The following C2orf76 variants were observed in gnomAD, a reference collection of about 807,000 sequenced individuals.
The protein encoded by C2orf76 is chromosome 2 open reading frame 76.
C2orf76 carries 23 observed loss-of-function variants against 16.9 expected under a neutral mutation model. The observed-to-expected ratio is 1.36, with a 90% confidence interval of 0.98 to 1.93. C2orf76 has a LOEUF of 1.93. Ranked by LOEUF, C2orf76 falls within the 30% of genes most tolerant of loss-of-function variation. C2orf76 has a pLI of 0.00. For synonymous variants in C2orf76, 48 were observed against 52.3 expected (o/e 0.92, Z 0.35); for missense variants, 152 against 152.6 (o/e 1.00, Z 0.02).
chr2:119,320,452 C>A (rs1026383004), intron 3 of C2orf76, among the ~76,000 whole-genome samples: 5 of 152,158 alleles, frequency 3.3e-5, no homozygotes, highest in Admixed American at 2.6e-4. Context: ...CCTTCAACTT[C>A]TGCTTCACTA....
Position 119,342,427 on chromosome 2 carries a change from G to A in C2orf76, c.-12-2456C>T, listed in dbSNP as rs193124613. ...GGAGTTCGAGACCATCCTGGCCAAC[G>A]TGGTGAAACCCAGCCTCTAATAAAA... On this transcript the variant is annotated intron_variant, in intron 1 of 5. Coordinates refer to ENST00000334816, the MANE Select transcript of C2orf76 (RefSeq NM_001322331.2). Among the ~76,000 whole-genome samples, 22 of 152,018 alleles carry A rather than the reference G, an allele frequency of 1.4e-4. 1 individual carries two copies. Among genetic ancestry groups the A allele is most frequent in the African/African-American group, 5.1e-4 (21 of 41,486 alleles).
the C2orf76 span, among the ~76,000 whole-genome samples, chr2:119,287,095 T>A: frequency 6.6e-6 from 1 of 152,148 alleles, no homozygotes; most frequent in Admixed American, 6.5e-5. Context: ...CCCTTCCCCA[T>A]CTGTAAGATG....
chr2:119,349,406 C>T (rs1680309548), intron 1 of C2orf76, among the ~76,000 whole-genome samples: 1 of 152,172 alleles, frequency 6.6e-6, no homozygotes. Context: ...AGTTATACTC[C>T]TGCTATGTAC....
At chr2:119,337,055 A>T (rs867820045) in intron 2 of C2orf76, among the ~76,000 whole-genome samples, 100 of 101,732 alleles carry the variant, frequency 9.8e-4, no homozygotes, top group African/African-American at 3.4e-3. Context: ...TTATTTATTT[A>T]TTTATTTATT....
At chr2:119,290,391 C>T in the C2orf76 span, among the ~76,000 whole-genome samples, 1 of 151,988 alleles carries the variant, frequency 6.6e-6, no homozygotes, top group African/African-American at 2.4e-5. Context: ...TTTTCCAAAG[C>T]GTTGACACAT....
intron 1 of C2orf76, among the ~76,000 whole-genome samples, chr2:119,358,815 C>CA (rs1177643125): frequency 3.3e-5 from 5 of 152,006 alleles, no homozygotes; most frequent in Non-Finnish European, 7.4e-5. Flanking sequence ...GTCTCCATAA[C>CA]AAAAAAAGTG....
chr2:119,351,595 A>T (rs1292370428), intron 1 of C2orf76, among the ~76,000 whole-genome samples: 1 of 152,116 alleles, frequency 6.6e-6, no homozygotes, highest in Non-Finnish European at 1.5e-5. Context: ...TACAAAAAAA[A>T]ATACCAAAAT....
chr2:119,333,283 T>C (rs1043349244), intron 2 of C2orf76, among the ~76,000 whole-genome samples: 5 of 152,172 alleles, frequency 3.3e-5, no homozygotes, highest in African/African-American at 9.7e-5. Flanking sequence ...GAGATAATCA[T>C]AGAATTAGAA....
the C2orf76 span, among the ~76,000 whole-genome samples, chr2:119,293,479 G>T: frequency 1.3e-5 from 2 of 152,222 alleles, no homozygotes; most frequent in Non-Finnish European, 2.9e-5. Context: ...CTGAGTAAGG[G>T]TTTTGAACTG....
intron 2 of C2orf76, among the ~76,000 whole-genome samples, chr2:119,336,043 A>T (rs1286503241): frequency 1.3e-5 from 2 of 152,228 alleles, no homozygotes; most frequent in East Asian, 3.8e-4. Context: ...TAAAAAATAC[A>T]GTCATCTATA....
intron 1 of C2orf76, among the ~76,000 whole-genome samples, chr2:119,348,200 A>T (rs1409804776): frequency 6.6e-6 from 1 of 152,254 alleles, no homozygotes; most frequent in Non-Finnish European, 1.5e-5. Flanking sequence ...AAAGGTGTAC[A>T]TTCAAAGATT....
intron 5 of C2orf76, among the ~76,000 whole-genome samples, chr2:119,305,190 C>G (rs761080785): frequency 5.3e-5 from 8 of 152,122 alleles, no homozygotes; most frequent in Admixed American, 1.3e-4. Flanking sequence ...TTTGCAGGAT[C>G]CTTTTAATAC....
intron 2 of C2orf76, among the ~76,000 whole-genome samples, chr2:119,329,303 A>G (rs1679601911): frequency 6.6e-6 from 1 of 152,190 alleles, no homozygotes; most frequent in Non-Finnish European, 1.5e-5. Flanking sequence ...TTGCTCTAAA[A>G]TCTACTTCAT....
chr2:119,335,691 T>C lies in C2orf76; in HGVS notation c.133+4136A>G, dbSNP rs367599017. ...GAAGGAAAAAAGAGTAACTTTACAG[T>C]AGAGAAACCTGACATGACTTCAGCC... is the stretch of plus-strand genomic sequence containing the variant. On this transcript the variant is annotated intron_variant, in intron 2 of 5. Coordinates refer to ENST00000334816, the MANE Select transcript of C2orf76 (RefSeq NM_001322331.2). Among the ~76,000 whole-genome samples the C allele has an allele frequency of 7.6e-4, 116 of 152,346 alleles. No individual in the cohort carries two copies. In the East Asian group the frequency reaches 0.018, roughly 24 times the overall value.
At chr2:119,330,722 C>T (rs1226848684) in intron 2 of C2orf76, among the ~76,000 whole-genome samples, 1 of 152,094 alleles carries the variant, frequency 6.6e-6, no homozygotes, top group Non-Finnish European at 1.5e-5. Flanking sequence ...TTGTCCCATA[C>T]CTCCCCACTG....
At chr2:119,294,598 A>G in the C2orf76 span, among the ~76,000 whole-genome samples, 1 of 152,170 alleles carries the variant, frequency 6.6e-6, no homozygotes, top group African/African-American at 2.4e-5. Context: ...GGTGAGGGAC[A>G]TGTCCGGGAG....
chr2:119,290,674 A>G, the C2orf76 span, among the ~76,000 whole-genome samples: 2 of 152,030 alleles, frequency 1.3e-5, no homozygotes, highest in Admixed American at 1.3e-4. Context: ...TACTAAAAAT[A>G]CAAAAATTAG....
chr2:119,296,179 T>C, the C2orf76 span, among the ~76,000 whole-genome samples: 765 of 152,294 alleles, frequency 5.0e-3, 6 homozygotes, highest in South Asian at 0.041. Flanking sequence ...ATGAGATGCA[T>C]ACTGTGGCTT....
chr2:119,289,699 A>AC, the C2orf76 span, among the ~76,000 whole-genome samples: 3 of 151,402 alleles, frequency 2.0e-5, no homozygotes, highest in Non-Finnish European at 4.4e-5. Context: ...AAAAAAAAAA[A>AC]AGTGCAGGGT....
Sources: allele counts gnomAD v4.1 joint callset (sites outside exome capture counted in the v4.1 genomes callset), GRCh38; gene constraint gnomAD v4.1.1; transcripts MANE v1.5; gene names NCBI Gene and HGNC (gene_info 2026-07-23, HGNC 2026-07-21).